LGR4: variants seen among roughly 807,000 people sequenced by gnomAD.
LGR4 encodes leucine rich repeat containing G protein-coupled receptor 4.
LGR4 carries 44 observed loss-of-function variants against 84.8 expected under a neutral mutation model. The ratio of observed to expected loss-of-function variants is 0.52; its 90% CI spans 0.41 to 0.67. The LOEUF (loss-of-function observed/expected upper bound fraction) is 0.67, where lower values mean the gene tolerates loss of function less well. Ranked by LOEUF, LGR4 falls within the 30% of genes least tolerant of loss-of-function variation. The pLI is 0.00. For synonymous variants in LGR4, 429 were observed against 434.3 expected, an observed-to-expected ratio of 0.99 and a Z score of 0.15; for missense variants, 1,032 against 1,131.4, an observed-to-expected ratio of 0.91 and a Z score of 1.26.
rs199952279 is a variant in LGR4, at chr11:27,373,664, G to A, written c.1266C>T (p.Phe422=). The A allele has an allele frequency of 6.3e-7, 1 of 1,576,202 alleles. No individual in the cohort carries two copies. The highest frequency in any genetic ancestry group is 2.3e-5 in the East Asian group (1 of 44,252). The change falls in exon 15 of 18, where the codon TTC becomes TTT. Residue 422 remains phenylalanine, a synonymous_variant. Coordinates refer to ENST00000379214, the MANE Select transcript of LGR4 (RefSeq NM_018490.5). Reference sequence around the variant, plus strand: ...CCGTAGGAAAGGAAGTTAATTCATTGAAACTTACATCTCTAAAATATGAAT... The same window carrying A: ...CCGTAGGAAAGGAAGTTAATTCATTAAAACTTACATCTCTAAAATATGAAT... The part of the protein sequence containing the change: ...LGPITNLDVS[F]NELTSFPTEG...
intron 13 of LGR4, among the ~76,000 whole-genome samples, 181 bp from the exon 14 acceptor site, chr11:27,374,227 C>T (rs1862935734): frequency 1.3e-5 from 2 of 152,206 alleles, no homozygotes. Flanking sequence ...TCACAACAAT[C>T]TATTTCTTGG....
chr11:27,415,579 G>A (rs527370159), intron 1 of LGR4, among the ~76,000 whole-genome samples: 19 of 152,140 alleles, frequency 1.2e-4, no homozygotes, highest in African/African-American at 3.1e-4. Context: ...TAAAACACAC[G>A]GTGAGTTTTT....
intron 1 of LGR4, among the ~76,000 whole-genome samples, chr11:27,455,979 C>T (rs1361844333): frequency 1.3e-5 from 2 of 152,178 alleles, no homozygotes; most frequent in Non-Finnish European, 2.9e-5. Context: ...CATTCAATAA[C>T]ATTATTATGA....
At chr11:27,380,167 G>A (rs913272332) in intron 10 of LGR4, 104 bp downstream of exon 10, 6 of 657,622 alleles carry the variant, frequency 9.1e-6, no homozygotes, top group Admixed American at 8.0e-5. Flanking sequence ...GGAAACCGGA[G>A]GAATCAACAT....
chr11:27,391,153 A>C lies in LGR4; in HGVS notation c.342T>G (p.Asn114Lys), dbSNP rs1404724162. ...CACTGGGTACTGTTTTCAACTGATT[A>C]TTCTGGAGCGTTCTGAAAGAAAATT... Reference protein sequence around the residue: ...LKELKVLTLQNNQLKTVPSEA... With the variant: ...LKELKVLTLQKNQLKTVPSEA... Residue 114 changes from asparagine (N) to lysine (K), a missense_variant, in exon 4 of 18, where the codon AAT becomes AAG. Asn to Lys is a moderately conservative substitution (Grantham distance 94). Transcript: ENST00000379214. 5 of 1,598,978 alleles carry C rather than the reference A, an allele frequency of 3.1e-6. No individual in the cohort carries two copies.
intron 1 of LGR4, among the ~76,000 whole-genome samples, chr11:27,434,519 C>T (rs1864173693): frequency 6.6e-6 from 1 of 152,142 alleles, no homozygotes; most frequent in Admixed American, 6.5e-5. Context: ...CTACACTGAA[C>T]TGGGAAGCTA....
At chr11:27,399,691 T>A (rs1436404951) in intron 2 of LGR4, among the ~76,000 whole-genome samples, 3 of 152,028 alleles carry the variant, frequency 2.0e-5, no homozygotes, top group African/African-American at 7.2e-5. Flanking sequence ...AGCTAATTTT[T>A]GTACTTTTAG....
intron 14 of LGR4, 66 bp from the exon 15 acceptor site, chr11:27,373,742 G>A (rs568498901): frequency 1.3e-5 from 18 of 1,370,390 alleles, no homozygotes; most frequent in East Asian, 4.7e-5. Context: ...ATCTGTACAC[G>A]TATTAACATC....
At chr11:27,381,962 T>C (rs1469238662) in intron 7 of LGR4, among the ~76,000 whole-genome samples, 1 of 152,242 alleles carries the variant, frequency 6.6e-6, no homozygotes, top group Non-Finnish European at 1.5e-5. Flanking sequence ...GCAGACGCTG[T>C]ATATCAGGCC....
intron 1 of LGR4, among the ~76,000 whole-genome samples, chr11:27,416,440 A>T (rs958848320): frequency 6.6e-6 from 1 of 152,204 alleles, no homozygotes; most frequent in East Asian, 1.9e-4. Flanking sequence ...AAGTTCAACA[A>T]GAAAGAGCTG....
rs201557941 is a variant in LGR4 at position 27,368,032 on chromosome 11, G to A, written c.2691C>T (p.Ser897=). 45 of 1,611,884 alleles carry A rather than the reference G, an allele frequency of 2.8e-5. No homozygotes were observed. Among genetic ancestry groups the A allele is most frequent in the Middle Eastern group, 3.3e-4 (2 of 6,072 alleles). Reference sequence around the variant, plus strand: ...AGTGGGCCGACTGTGTGCCACAGTCGGACCAGTAGCCCTCAGGTCTTTGGC... The same window carrying A: ...AGTGGGCCGACTGTGTGCCACAGTCAGACCAGTAGCCCTCAGGTCTTTGGC... ...ASCQRPEGYW[S]DCGTQSAHSD... The change falls in exon 18 of 18, where the codon TCC becomes TCT. Residue 897 remains serine (S), a synonymous_variant. Coordinates refer to ENST00000379214, the MANE Select transcript of LGR4 (RefSeq NM_018490.5).
At chr11:27,397,793 C>T (rs1863417650) in intron 2 of LGR4, among the ~76,000 whole-genome samples, 1 of 152,148 alleles carries the variant, frequency 6.6e-6, no homozygotes, top group African/African-American at 2.4e-5. Flanking sequence ...CATGATCACA[C>T]AGAATTAAAA....
At chr11:27,407,719 T>G (rs1273182668) in intron 2 of LGR4, among the ~76,000 whole-genome samples, 2 of 152,148 alleles carry the variant, frequency 1.3e-5, no homozygotes, top group African/African-American at 4.8e-5. Flanking sequence ...CTGTTGAAAT[T>G]TGAATAAGAA....
chr11:27,458,069 G>A (rs1183705144), intron 1 of LGR4, among the ~76,000 whole-genome samples: 2 of 152,180 alleles, frequency 1.3e-5, no homozygotes, highest in African/African-American at 2.4e-5. Flanking sequence ...GTTAGAGGCT[G>A]CAGTGAACTG....
At chr11:27,418,819 C>T (rs1210320309) in intron 1 of LGR4, among the ~76,000 whole-genome samples, 3 of 149,136 alleles carry the variant, frequency 2.0e-5, no homozygotes, top group African/African-American at 5.0e-5. Flanking sequence ...CATCTACTTT[C>T]GTGGATTGAA....
intron 1 of LGR4, among the ~76,000 whole-genome samples, chr11:27,421,004 AT>A (rs374484717): frequency 1.1e-3 from 173 of 152,338 alleles, no homozygotes; most frequent in African/African-American, 4.0e-3. Flanking sequence ...AAAGGCCTTC[AT>A]ATGTGACCTT....
Position 27,367,901 on chromosome 11 carries a change from C to G in LGR4, c.2822G>C (p.Arg941Pro), listed in dbSNP as rs202048946. ...AACTCTTGGTAGATTGTAAGCATAG[C>G]GCACCAAAGGGAATCCTCTACTCTG... is the stretch of plus-strand genomic sequence containing the variant. ...FYQSRGFPLV[R>P]YAYNLPRVKD Residue 941 changes from arginine (R) to proline (P), a missense_variant, in exon 18 of 18, where the codon CGC (arginine) becomes CCC (proline). Coordinates refer to ENST00000379214, the MANE Select transcript of LGR4 (RefSeq NM_018490.5). 1 of 1,602,354 alleles carries G rather than the reference C, an allele frequency of 6.2e-7. No homozygotes were observed. Among genetic ancestry groups the G allele is most frequent in the East Asian group, 2.2e-5 (1 of 44,826 alleles).
chr11:27,372,216 T>C (rs1862897399), intron 16 of LGR4, 67 bp downstream of exon 16: 2 of 954,426 alleles, frequency 2.1e-6, no homozygotes, highest in Admixed American at 1.8e-5. Flanking sequence ...ACAAAGTAAT[T>C]ATAATAACAG....
chr11:27,412,659 C>T lies in LGR4; in HGVS notation c.257+130G>A, dbSNP rs373650074. Reference sequence around the variant, plus strand: ...TTCCCCCAAGAAACATGATTTCCTCCTCACAAAGCCCACTGAAATTAAGCT... The same window carrying T: ...TTCCCCCAAGAAACATGATTTCCTCTTCACAAAGCCCACTGAAATTAAGCT... On this transcript the variant is annotated intron_variant, in intron 2 of 17. Coordinates refer to ENST00000379214, the MANE Select transcript of LGR4 (RefSeq NM_018490.5). 7.8e-5 allele frequency: 54 copies of T among 696,532 alleles called. 1 individual carries two copies. Among genetic ancestry groups the T allele is most frequent in the East Asian group, 4.2e-4 (16 of 37,894 alleles). 43.1% of individuals were successfully genotyped at this position (696,532 alleles called of 1,614,324 possible). A position where few individuals can be genotyped will look rare whatever the true frequency, so the allele number is the denominator to read the frequency against.
Sources: allele counts gnomAD v4.1 joint callset (sites outside exome capture counted in the v4.1 genomes callset), GRCh38; gene constraint gnomAD v4.1.1; transcripts MANE v1.5; gene names NCBI Gene and HGNC (gene_info 2026-07-23, HGNC 2026-07-21).